Variants in EPHA3 observed in about 807,000 individuals in gnomAD.
The protein encoded by EPHA3 is ephrin type-A receptor 3.
A neutral mutation model predicts 107.1 loss-of-function variants in EPHA3; 42 were observed. The ratio of observed to expected loss-of-function variants is 0.39; its 90% CI spans 0.31 to 0.51. The LOEUF is 0.51. Among genes scored for constraint, EPHA3 ranks in the 20% least tolerant of loss-of-function variants. The pLI, the probability that EPHA3 is intolerant of heterozygous loss-of-function variation, is 0.78. For synonymous variants in EPHA3, 461 were observed against 424.8 expected (o/e 1.09, Z -1.05); for missense variants, 1,183 against 1,211.2 (o/e 0.98, Z 0.35).
chr3:89,413,217 C>A lies in EPHA3; in HGVS notation c.1839C>A (p.Ala613=). ...EDPTQAVHEF[A]KELDATNISI... is the part of the protein sequence containing the mutation. ...CTACCCAAGCTGTTCATGAGTTTGC[C>A]AAGGAATTGGATGCCACCAACATAT... Residue 613 remains alanine, a synonymous_variant, in exon 10 of 17, where the codon GCC becomes GCA. Transcript: ENST00000336596. 1 of 1,611,758 alleles carries A rather than the reference C, an allele frequency of 6.2e-7. No homozygotes were observed. The highest frequency in any genetic ancestry group is 1.3e-5 in the African/African-American group (1 of 74,752).
At chr3:89,187,354 C>A (rs749274934) in intron 2 of EPHA3, among the ~76,000 whole-genome samples, 1 of 148,056 alleles carries the variant, frequency 6.8e-6, no homozygotes, top group Non-Finnish European at 1.5e-5. Flanking sequence ...AAATAATATA[C>A]ATTATAAATA....
In EPHA3 at chr3:89,330,447, A is replaced by C. The variant is rs140302208; in HGVS notation, c.815-10469A>C. On this transcript the variant is annotated intron_variant, in intron 3 of 16. Coordinates refer to ENST00000336596, the MANE Select transcript of EPHA3 (RefSeq NM_005233.6). ...TAAATCCATTGGCTTTTTAACAATA[A>C]TATTATCACATAAGTCATAGTAATA... 4.4e-3 allele frequency among the ~76,000 whole-genome samples: 672 copies of C among 152,188 alleles called. 5 individuals carry two copies. The highest frequency in any genetic ancestry group is 0.015 in the African/African-American group (621 of 41,560).
chr3:89,110,707 AC>A (rs1030568933), intron 1 of EPHA3, among the ~76,000 whole-genome samples: 2 of 152,060 alleles, frequency 1.3e-5, no homozygotes, highest in African/African-American at 2.4e-5. Flanking sequence ...TATGATTGCT[AC>A]ACTACGTATT....
chr3:89,185,907 C>A (rs1180858410), intron 2 of EPHA3, among the ~76,000 whole-genome samples: 1 of 152,032 alleles, frequency 6.6e-6, no homozygotes, highest in Non-Finnish European at 1.5e-5. Context: ...GGAATAGCCC[C>A]TCATTGTCTA....
intron 3 of EPHA3, among the ~76,000 whole-genome samples, chr3:89,308,234 C>T (rs1474953532): frequency 6.6e-6 from 1 of 152,204 alleles, no homozygotes; most frequent in Admixed American, 6.6e-5. Flanking sequence ...AAATCCTACA[C>T]ATGAAAAGTA....
intron 3 of EPHA3, among the ~76,000 whole-genome samples, chr3:89,220,695 T>A (rs1704351832): frequency 6.6e-6 from 1 of 152,188 alleles, no homozygotes; most frequent in Non-Finnish European, 1.5e-5. Flanking sequence ...AAATCAAATC[T>A]AACATTTGAC....
At chr3:89,226,609 C>T (rs1403337541) in intron 3 of EPHA3, among the ~76,000 whole-genome samples, 1 of 152,014 alleles carries the variant, frequency 6.6e-6, no homozygotes, top group Non-Finnish European at 1.5e-5. Flanking sequence ...TTCAACTGAT[C>T]CATGATTGGA....
chr3:89,424,156 G>A (rs2107530428), intron 11 of EPHA3, among the ~76,000 whole-genome samples: 2 of 151,418 alleles, frequency 1.3e-5, no homozygotes, highest in Middle Eastern at 6.8e-3. Flanking sequence ...TAGAATAATT[G>A]TGAAGCCATA....
chr3:89,444,531 T>A (rs1029100051), intron 13 of EPHA3, among the ~76,000 whole-genome samples: 1 of 152,124 alleles, frequency 6.6e-6, no homozygotes, highest in Non-Finnish European at 1.5e-5. Context: ...AATTGCTAAA[T>A]TTGAATTGTA....
chr3:89,279,376 A>C (rs1295649199), intron 3 of EPHA3, among the ~76,000 whole-genome samples: 2 of 152,156 alleles, frequency 1.3e-5, no homozygotes, highest in Non-Finnish European at 2.9e-5. Context: ...TAATATTTAT[A>C]ATCATTGAAT....
intron 5 of EPHA3, among the ~76,000 whole-genome samples, chr3:89,373,790 T>G (rs75029998): frequency 0.015 from 2,318 of 151,934 alleles, 41 homozygotes; most frequent in African/African-American, 0.053. Flanking sequence ...AGGCTTCTAT[T>G]TGTGGGTTTG....
intron 5 of EPHA3, among the ~76,000 whole-genome samples, chr3:89,349,688 G>A (rs1707759605): frequency 2.1e-5 from 3 of 145,934 alleles, no homozygotes; most frequent in Admixed American, 1.4e-4. Flanking sequence ...TTGCTCGTTA[G>A]TTGATGCAGT....
intron 3 of EPHA3, among the ~76,000 whole-genome samples, chr3:89,264,180 C>A (rs1705484327): frequency 6.6e-6 from 1 of 152,144 alleles, no homozygotes. Context: ...GGCAAAATGT[C>A]TTTTCATCTG....
chr3:89,284,208 C>T (rs1706021679), intron 3 of EPHA3, among the ~76,000 whole-genome samples: 1 of 152,080 alleles, frequency 6.6e-6, no homozygotes, highest in South Asian at 2.1e-4. Flanking sequence ...TACTCATTTA[C>T]ATTAATTAAC....
intron 5 of EPHA3, 81 bp from the exon 6 acceptor site, chr3:89,395,756 C>A: frequency 6.6e-7 from 1 of 1,517,296 alleles, no homozygotes; most frequent in Non-Finnish European, 9.0e-7. Context: ...ATGTTCCCTT[C>A]TCCCTCTGTT....
chr3:89,401,349 A>G (rs533696107), intron 7 of EPHA3, among the ~76,000 whole-genome samples: 1 of 152,340 alleles, frequency 6.6e-6, no homozygotes, highest in African/African-American at 2.4e-5. Context: ...ACGTAAATCT[A>G]TTCTTAAAGA....
intron 15 of EPHA3, among the ~76,000 whole-genome samples, chr3:89,457,892 A>T (rs1163462960): frequency 2.0e-5 from 3 of 152,234 alleles, no homozygotes; most frequent in Non-Finnish European, 4.4e-5. Flanking sequence ...TATTAAAGTG[A>T]GTTCTATAGG....
intron 15 of EPHA3, among the ~76,000 whole-genome samples, chr3:89,468,425 T>C (rs2107571627): frequency 6.6e-6 from 1 of 152,318 alleles, no homozygotes; most frequent in South Asian, 2.1e-4. Flanking sequence ...TACAAACTAT[T>C]CTGAACTGAG....
chr3:89,327,732 C>CT lies in EPHA3; in HGVS notation c.815-13175dup, dbSNP rs796871030. Among the ~76,000 whole-genome samples the CT allele has an allele frequency of 1.5e-4, 23 of 151,234 alleles. No individual in the cohort carries two copies. The South Asian group carries it at 1.9e-3, about 12-fold the overall frequency. On this transcript the variant is annotated intron_variant, in intron 3 of 16. Coordinates refer to ENST00000336596, the MANE Select transcript of EPHA3 (RefSeq NM_005233.6). The stretch of plus-strand genomic sequence containing the variant: ...ACCCCTGAAAGTCTTGAGAACTGTG[C>CT]TTTTTTTTTGTTTGTTTGTTTTGTT...
Sources: allele counts gnomAD v4.1 joint callset (sites outside exome capture counted in the v4.1 genomes callset), GRCh38; gene constraint gnomAD v4.1.1; transcripts MANE v1.5; gene names NCBI Gene and HGNC (gene_info 2026-07-23, HGNC 2026-07-21).